Variants in ADNP observed in about 807,000 individuals in gnomAD.
The protein encoded by ADNP is activity dependent neuroprotector homeobox, also known as activity-dependent neuroprotector homeobox protein.
In ADNP, 4 loss-of-function variants were observed where a neutral mutation model predicts 84.9. The ratio of observed to expected loss-of-function variants is 0.05; its 90% CI spans 0.02 to 0.11. The LOEUF (loss-of-function observed/expected upper bound fraction) is 0.11, where lower values mean the gene tolerates loss of function less well. Ranked by LOEUF, ADNP falls within the 10% of genes least tolerant of loss-of-function variation. The probability of loss-of-function intolerance (pLI) is 1.00; values close to 1 mark genes in which losing one functional copy is unlikely to be tolerated. For missense variants in ADNP, 1,132 were observed against 1,326.0 expected (o/e 0.85, Z 2.27); for synonymous variants, 554 against 468.1 (o/e 1.18, Z -2.37).
At position 50,891,531 on chromosome 20, in the gene ADNP, C is replaced by G; in HGVS notation, c.3183G>C (p.Gln1061His). ...SENDERLSNP[Q>H]IEWQNSTIDS... is the part of the protein sequence containing the mutation. ...CAATTGTGCTATTCTGCCACTCAATCTGGGGGTTAGATAAGCGCTCATCAT... is the reference window on the plus strand; with the variant it reads ...CAATTGTGCTATTCTGCCACTCAATGTGGGGGTTAGATAAGCGCTCATCAT... The change falls in exon 6 of 6, where the codon CAG becomes CAC. Residue 1061 changes from glutamine to histidine, a missense_variant. This residue lies in a region of ADNP where 381 missense variants were observed against 319.9 expected (regional missense o/e 1.19). Transcript: ENST00000621696. The G allele has an allele frequency of 6.2e-7, 1 of 1,612,086 alleles. No homozygotes were observed.
Position 50,893,056 on chromosome 20 carries a change from G to A in ADNP, c.1658C>T (p.Thr553Ile), listed in dbSNP as rs1277522732. 1 of 1,614,226 alleles carries A rather than the reference G, an allele frequency of 6.2e-7. No homozygotes were observed. The highest frequency in any genetic ancestry group is 2.2e-5 in the East Asian group (1 of 44,888). Residue 553 changes from threonine (T) to isoleucine (I), a missense_variant, in exon 6 of 6, where the codon ACA becomes ATA. Transcript: ENST00000621696. The surrounding 1 kb of genome is among the most constrained non-coding windows in gnomAD (Gnocchi z 4.4). ...GTTAGTGTGACTACCCTGCTGCAAT[G>A]TCAAATCAAAACTCAAAGTAGAATC... ...KTDSTLSFDL[T>I]LQQGSHTNIH...
intron 5 of ADNP, among the ~76,000 whole-genome samples, chr20:50,899,622 G>A (rs999492758): frequency 1.4e-4 from 21 of 152,048 alleles, no homozygotes; most frequent in African/African-American, 5.1e-4. Context: ...TCTAGAAGAC[G>A]ACACTGCCAT....
Position 50,892,187 on chromosome 20 carries a change from C to T in ADNP, c.2527G>A (p.Glu843Lys), listed in dbSNP as rs1568704616. 1.2e-6 allele frequency: 2 copies of T among 1,614,066 alleles called. No homozygotes were observed. The highest frequency in any genetic ancestry group is 2.7e-5 in the African/African-American group (2 of 74,908). The change falls in exon 6 of 6, where the codon GAG becomes AAG. Residue 843 changes from glutamate to lysine, a missense_variant. This residue lies in a region of ADNP where 381 missense variants were observed against 319.9 expected (regional missense o/e 1.19). Coordinates refer to ENST00000621696, the MANE Select transcript of ADNP (RefSeq NM_001282531.3). ...KVKHEMDFDA[E>K]WLFENHDEKD... is the part of the protein sequence containing the mutation. ...TCATCATGATTTTCAAATAGCCACTCAGCATCAAAATCCATCTCATGCTTG... is the reference window on the plus strand; with the variant it reads ...TCATCATGATTTTCAAATAGCCACTTAGCATCAAAATCCATCTCATGCTTG...
At chr20:50,908,645 G>C (rs925481100) in intron 2 of ADNP, among the ~76,000 whole-genome samples, 1 of 152,074 alleles carries the variant, frequency 6.6e-6, no homozygotes, top group Non-Finnish European at 1.5e-5. Context: ...GTGGTGGTGG[G>C]CACCTGTAGT....
chr20:50,897,773 T>C (rs1239742741), intron 5 of ADNP, among the ~76,000 whole-genome samples: 2 of 152,126 alleles, frequency 1.3e-5, no homozygotes, highest in African/African-American at 4.8e-5. Context: ...AAACACCACT[T>C]AAAGGAGGCA....
chr20:50,898,721 T>G (rs2122796416), intron 5 of ADNP, among the ~76,000 whole-genome samples: 1 of 152,190 alleles, frequency 6.6e-6, no homozygotes, highest in Non-Finnish European at 1.5e-5. Context: ...ATGAACAAAA[T>G]ACCATGAGAT....
At chr20:50,925,318 C>T (rs967327905) in intron 2 of ADNP, among the ~76,000 whole-genome samples, 5 of 150,224 alleles carry the variant, frequency 3.3e-5, no homozygotes, top group Admixed American at 6.6e-5. Context: ...CTCATATATA[C>T]CAACTTGAGA....
rs1980895069 is a variant in ADNP, at chr20:50,892,511, C to T, written c.2203G>A (p.Asp735Asn). ...TCAAAGAAGCTGGGTGAATCACTATCATCATCTAACTTTCGTTTTTTCAGT... is the reference window on the plus strand; with the variant it reads ...TCAAAGAAGCTGGGTGAATCACTATTATCATCTAACTTTCGTTTTTTCAGT... ...PLLKKRKLDD[D>N]SDSPSFFEEK... The change falls in exon 6 of 6, where the codon GAT becomes AAT. Residue 735 changes from aspartate (D) to asparagine (N), a missense_variant. By Grantham distance (23) the Asp-to-Asn change is conservative. Coordinates refer to ENST00000621696, the MANE Select transcript of ADNP (RefSeq NM_001282531.3). 1 of 1,614,050 alleles carries T rather than the reference C, an allele frequency of 6.2e-7. No homozygotes were observed. The highest frequency in any genetic ancestry group is 1.1e-5 in the South Asian group (1 of 91,078).
chr20:50,902,088 T>C lies in ADNP; in HGVS notation c.130A>G (p.Asn44Asp). The C allele has an allele frequency of 6.2e-7, 1 of 1,612,748 alleles. No individual in the cohort carries two copies. Residue 44 changes from asparagine (N) to aspartate (D), a missense_variant, in exon 5 of 6, where the codon AAT (asparagine) becomes GAT (aspartate). Coordinates refer to ENST00000621696, the MANE Select transcript of ADNP (RefSeq NM_001282531.3). ...GTAGTGTTTTTCAAATAAAAGTCAT[T>C]AGGTTCAAATTGTTTAAAATCCTAG... is the stretch of plus-strand genomic sequence containing the variant. ...HIEDFKQFEP[N>D]DFYLKNTTWE...
rs770381831 is a variant in ADNP at position 50,894,345 on chromosome 20, T to A, written c.369A>T (p.Thr123=). The change falls in exon 6 of 6, where the codon ACA becomes ACT. Residue 123 remains threonine (T), a synonymous_variant. Coordinates refer to ENST00000621696, the MANE Select transcript of ADNP (RefSeq NM_001282531.3). ...TCGGAGCATGAAATATTTTAATGTG[T>A]GTTTCCAAAGTCTTTTTGTCTGCAT... The part of the protein sequence containing the change: ...TFNADKKTLE[T]HIKIFHAPNA... 6.2e-7 allele frequency: 1 copy of A among 1,613,774 alleles called. No homozygotes were observed. Among genetic ancestry groups the A allele is most frequent in the Admixed American group, 1.7e-5 (1 of 59,902 alleles).
At chr20:50,897,707 A>G (rs1473073195) in intron 5 of ADNP, among the ~76,000 whole-genome samples, 2 of 152,224 alleles carry the variant, frequency 1.3e-5, no homozygotes, top group African/African-American at 4.8e-5. Context: ...ACGCCTTAAA[A>G]GCTGCTGTAA....
At chr20:50,906,542 C>G (rs1982490810) in intron 2 of ADNP, among the ~76,000 whole-genome samples, 1 of 152,088 alleles carries the variant, frequency 6.6e-6, no homozygotes, top group African/African-American at 2.4e-5. Context: ...CTCAGAAAAA[C>G]AAAGACATAA....
At chr20:50,930,301 G>A (rs1425392689) in intron 1 of ADNP, among the ~76,000 whole-genome samples, 3 of 152,126 alleles carry the variant, frequency 2.0e-5, no homozygotes, top group Non-Finnish European at 4.4e-5. Context: ...GGGGAAGAAG[G>A]ATTGCACAGG....
At chr20:50,900,264 T>C (rs532940851) in intron 5 of ADNP, among the ~76,000 whole-genome samples, 56 of 152,298 alleles carry the variant, frequency 3.7e-4, no homozygotes, top group Non-Finnish European at 7.2e-4. Flanking sequence ...TATAGTATTC[T>C]CTTATAGTAA....
chr20:50,905,368 A>C (rs1220873466), intron 2 of ADNP: 1 of 152,212 alleles, frequency 6.6e-6, no homozygotes, highest in African/African-American at 2.4e-5. Context: ...ATATATGCAA[A>C]TCCAGTTTTC....
At chr20:50,904,542 T>TA (rs1199153743) in intron 3 of ADNP, 1 of 152,324 alleles carries the variant, frequency 6.6e-6, no homozygotes, top group Non-Finnish European at 1.5e-5. Context: ...TTTGAATACT[T>TA]AAAGCAGGCA....
At chr20:50,918,085 G>A (rs1439652739) in intron 2 of ADNP, among the ~76,000 whole-genome samples, 1 of 152,080 alleles carries the variant, frequency 6.6e-6, no homozygotes, top group Non-Finnish European at 1.5e-5. Flanking sequence ...AACAGGTATA[G>A]AGTTTCAGTT....
intron 2 of ADNP, among the ~76,000 whole-genome samples, chr20:50,912,586 A>G (rs1204875398): frequency 6.6e-6 from 1 of 152,206 alleles, no homozygotes; most frequent in East Asian, 1.9e-4. Flanking sequence ...TCCACGAAAT[A>G]GTTACTCATC....
chr20:50,931,204 T>G lies in ADNP; in HGVS notation c.-643A>C, dbSNP rs1984736525. 1 of 132,174 alleles carries G rather than the reference T, an allele frequency of 7.6e-6. No individual in the cohort carries two copies. The highest frequency in any genetic ancestry group is 1.6e-5 in the Non-Finnish European group (1 of 62,842). 8.2% of individuals were successfully genotyped at this position (132,174 alleles called of 1,614,324 possible). A position where few individuals can be genotyped will look rare whatever the true frequency, so the allele number is the denominator to read the frequency against. ...GTCTGAGAAGACGCCAAAATCCCCC[T>G]TAGCGCTGCCTGCGGGAGGGGGAGG... On this transcript the variant is annotated 5_prime_UTR_variant, in exon 1 of 6. Transcript: ENST00000621696.
Sources: allele counts gnomAD v4.1 joint callset (sites outside exome capture counted in the v4.1 genomes callset), GRCh38; gene constraint gnomAD v4.1.1; regional missense constraint gnomAD v4.1.1; non-coding constraint Gnocchi (gnomAD v3.1); transcripts MANE v1.5; gene names NCBI Gene and HGNC (gene_info 2026-07-23, HGNC 2026-07-21).